Variants in ABCB1 observed in about 807,000 individuals in gnomAD.
The protein encoded by ABCB1 is ATP-dependent translocase ABCB1.
A neutral mutation model predicts 142.0 loss-of-function variants in ABCB1; 69 were observed. The observed-to-expected ratio is 0.49, with a 90% CI of 0.40 to 0.59. The LOEUF is 0.59. ABCB1 is among the 20% of genes least tolerant of loss of function. The probability of loss-of-function intolerance (pLI) is 0.00; values close to 1 mark genes in which losing one functional copy is unlikely to be tolerated. For synonymous variants in ABCB1, 532 were observed against 539.2 expected (o/e 0.99, Z 0.18); for missense variants, 1,326 against 1,554.7 (o/e 0.85, Z 2.47).
intron 7 of ABCB1, 65 bp from the exon 8 acceptor site, chr7:87,561,452 A>G (rs1236920259): frequency 2.7e-6 from 4 of 1,467,886 alleles, no homozygotes; most frequent in Non-Finnish European, 3.7e-6. Context: ...GTAAAGTAAA[A>G]ATAAATGTAT....
At chr7:87,633,328 C>T (rs979502553) in intron 1 of ABCB1, among the ~76,000 whole-genome samples, 129 of 152,274 alleles carry the variant, frequency 8.5e-4, no homozygotes, top group African/African-American at 2.9e-3. Flanking sequence ...AATGATTACA[C>T]GTTTCCCTAC....
At chr7:87,669,364 G>A (rs922088671) in intron 1 of ABCB1, among the ~76,000 whole-genome samples, 1 of 152,048 alleles carries the variant, frequency 6.6e-6, no homozygotes, top group East Asian at 1.9e-4. Flanking sequence ...GAGCCTATGA[G>A]TGTCATTACA....
intron 1 of ABCB1, chr7:87,628,649 C>T: frequency 5.6e-6 from 2 of 357,626 alleles, no homozygotes; most frequent in Non-Finnish European, 9.8e-6. Context: ...AAGGGCGAGC[C>T]GTCAGTCCCC....
At chr7:87,612,645 G>A (rs1819892927) in intron 1 of ABCB1, among the ~76,000 whole-genome samples, 1 of 152,136 alleles carries the variant, frequency 6.6e-6, no homozygotes, top group African/African-American at 2.4e-5. Flanking sequence ...CCAGTACCAT[G>A]CTGTTTTGGT....
At chr7:87,507,684 T>C (rs1475662436) in intron 26 of ABCB1, among the ~76,000 whole-genome samples, 5 of 152,106 alleles carry the variant, frequency 3.3e-5, no homozygotes, top group Admixed American at 1.3e-4. Flanking sequence ...GCCTGCCTCG[T>C]GAGGAAACTG....
intron 1 of ABCB1, among the ~76,000 whole-genome samples, chr7:87,607,889 T>C (rs1819712939): frequency 6.6e-6 from 1 of 152,194 alleles, no homozygotes; most frequent in Admixed American, 6.5e-5. Context: ...ATTAGGATAA[T>C]TTTAGCATAT....
rs182462211 is a variant in ABCB1, at chr7:87,634,559, C to T, written c.-330-33481G>A. ...CAGGAGAATCACTTGAACCCTGGGG[C>T]GGAGGTTGCAGTGAGCCGAGATTCA... On this transcript the variant is annotated intron_variant, in intron 1 of 28. Transcript: ENST00000265724. Among the ~76,000 whole-genome samples, 429 of 147,212 alleles carry T rather than the reference C, an allele frequency of 2.9e-3. 3 individuals are homozygous for T. The highest frequency in any genetic ancestry group is 0.01 in the African/African-American group (403 of 39,422).
At chr7:87,592,265 C>T (rs1819029287) in intron 3 of ABCB1, among the ~76,000 whole-genome samples, 1 of 151,986 alleles carries the variant, frequency 6.6e-6, no homozygotes, top group African/African-American at 2.4e-5. Context: ...GATGTAAGGT[C>T]CCTGAGAAGG....
intron 8 of ABCB1, among the ~76,000 whole-genome samples, chr7:87,556,234 A>G (rs983505632): frequency 2.0e-5 from 3 of 152,230 alleles, no homozygotes; most frequent in Non-Finnish European, 4.4e-5. Context: ...GAAAATATTT[A>G]TCAATAATGC....
In ABCB1 at chr7:87,505,953, GCTGT is replaced by G. The variant is rs1814715902; in HGVS notation, c.3576_3579del (p.Arg1192SerfsTer37). 6.2e-7 allele frequency: 1 copy of G among 1,614,112 alleles called. No individual in the cohort carries two copies. The highest frequency in any genetic ancestry group is 8.5e-7 in the Non-Finnish European group (1 of 1,180,012). On this transcript the variant is annotated frameshift_variant, in exon 27 of 28. Coordinates refer to ENST00000622132, the MANE Select transcript of ABCB1 (RefSeq NM_001348946.2). LOFTEE classifies it high-confidence loss of function. ...GCTTCATCCAAAAGCAAAATATGAG[GCTGT>G]CTAACAAGGGCACGAGCTATGGCAA...
intron 3 of ABCB1, among the ~76,000 whole-genome samples, chr7:87,595,026 A>C (rs1436745813): frequency 1.3e-5 from 2 of 152,116 alleles, no homozygotes; most frequent in Non-Finnish European, 2.9e-5. Context: ...AAAAGGAAGT[A>C]AGAATCCAGG....
intron 21 of ABCB1, among the ~76,000 whole-genome samples, chr7:87,528,367 C>T (rs755861343): frequency 1.8e-4 from 27 of 151,920 alleles, no homozygotes; most frequent in South Asian, 4.2e-4. Flanking sequence ...AATAATAAGA[C>T]GAGTAACTAC....
At chr7:87,653,189 A>G (rs933766675) in intron 1 of ABCB1, among the ~76,000 whole-genome samples, 1 of 152,070 alleles carries the variant, frequency 6.6e-6, no homozygotes, top group African/African-American at 2.4e-5. Context: ...ACAATATTAG[A>G]ATTGAAAGAG....
chr7:87,508,001 G>A (rs28401810), intron 26 of ABCB1, among the ~76,000 whole-genome samples: 9 of 150,692 alleles, frequency 6.0e-5, no homozygotes, highest in Admixed American at 4.6e-4. Context: ...GGGAAGGGGG[G>A]TAAGTGTTGA....
intron 5 of ABCB1, among the ~76,000 whole-genome samples, chr7:87,568,266 T>TAATAATAATAATAATAATAAA (rs377151956): frequency 1.4e-5 from 2 of 145,644 alleles, no homozygotes; most frequent in Admixed American, 6.8e-5. Flanking sequence ...ATAATAATAA[T>TAATAATAATAATAATAATAAA]AAAAATTAGC....
intron 1 of ABCB1, among the ~76,000 whole-genome samples, chr7:87,677,346 A>G (rs1001813331): frequency 6.6e-6 from 1 of 151,856 alleles, no homozygotes; most frequent in Admixed American, 6.6e-5. Flanking sequence ...AAAAAAAAAA[A>G]AAAAGGAAAT....
chr7:87,655,028 G>A (rs186321819), intron 1 of ABCB1, among the ~76,000 whole-genome samples: 19 of 152,124 alleles, frequency 1.2e-4, no homozygotes, highest in Admixed American at 1.1e-3. Context: ...AACAGCCGAA[G>A]GATAACAAGT....
chr7:87,673,144 A>G (rs537668340), intron 1 of ABCB1, among the ~76,000 whole-genome samples: 12 of 152,162 alleles, frequency 7.9e-5, no homozygotes, highest in Non-Finnish European at 1.3e-4. Flanking sequence ...TGCTGCCTTT[A>G]ACATTTTTTC....
At chr7:87,668,117 G>A (rs1825452028) in intron 1 of ABCB1, among the ~76,000 whole-genome samples, 1 of 150,880 alleles carries the variant, frequency 6.6e-6, no homozygotes. Flanking sequence ...TCAGGCCCTT[G>A]GCTTTTTTTT....
Sources: gnomAD v4.1 joint callset for allele counts (sites outside exome capture counted in the v4.1 genomes callset) on GRCh38, gnomAD v4.1.1 for gene constraint, MANE v1.5 for transcripts, NCBI Gene and HGNC (gene_info 2026-07-23, HGNC 2026-07-21) for gene names.